The following UNC13C variants were observed in gnomAD, a reference collection of about 807,000 sequenced individuals.
The protein encoded by UNC13C is protein unc-13 homolog C.
UNC13C carries 174 observed loss-of-function variants against 245.4 expected under a neutral mutation model. The ratio of observed to expected loss-of-function variants is 0.71; its 90% CI spans 0.63 to 0.80. The LOEUF (loss-of-function observed/expected upper bound fraction) is 0.80, where lower values mean the gene tolerates loss of function less well. Among genes scored for constraint, UNC13C ranks in the 30% least tolerant of loss-of-function variants. The pLI, the probability that UNC13C is intolerant of heterozygous loss-of-function variation, is 0.00. For missense variants in UNC13C, 2,829 were observed against 2,602.9 expected (o/e 1.09, Z -1.89); for synonymous variants, 992 against 895.1 (o/e 1.11, Z -1.93).
chr15:54,237,989 G>A (rs547071262), intron 7 of UNC13C, among the ~76,000 whole-genome samples: 1 of 150,840 alleles, frequency 6.6e-6, no homozygotes, highest in East Asian at 1.9e-4. Flanking sequence ...TTTAAGTTTT[G>A]CCTCTTTTAC....
chr15:54,355,526 T>C (rs374377655), intron 17 of UNC13C, among the ~76,000 whole-genome samples: 1 of 151,976 alleles, frequency 6.6e-6, no homozygotes, highest in African/African-American at 2.4e-5. Flanking sequence ...CTGGCTAATT[T>C]TTTGTATTTT....
intron 19 of UNC13C, among the ~76,000 whole-genome samples, chr15:54,450,196 C>A (rs1423796504): frequency 6.6e-6 from 1 of 152,188 alleles, no homozygotes; most frequent in Non-Finnish European, 1.5e-5. Flanking sequence ...GGGCTGCCTC[C>A]CAGTTAGGCT....
chr15:53,855,920 C>T, the UNC13C span, among the ~76,000 whole-genome samples: 6 of 152,078 alleles, frequency 3.9e-5, no homozygotes, highest in African/African-American at 1.2e-4. Flanking sequence ...CCATATGACC[C>T]TGGGCTTTTT....
intron 4 of UNC13C, among the ~76,000 whole-genome samples, chr15:54,145,248 G>A (rs13329338): frequency 0.022 from 3,392 of 151,958 alleles, 127 homozygotes; most frequent in African/African-American, 0.079. Context: ...GTTCTGTTTT[G>A]TAATACACTC....
chr15:54,194,731 T>C (rs1451504781), intron 4 of UNC13C, among the ~76,000 whole-genome samples: 3 of 151,940 alleles, frequency 2.0e-5, no homozygotes, highest in Admixed American at 1.3e-4. Context: ...ACTAGGAGTA[T>C]AAGAAAGGAC....
chr15:53,933,965 G>A, the UNC13C span, among the ~76,000 whole-genome samples: 2 of 152,188 alleles, frequency 1.3e-5, no homozygotes, highest in Admixed American at 6.5e-5. Context: ...GGCTGCATGG[G>A]ATGCATGGTT....
intron 30 of UNC13C, among the ~76,000 whole-genome samples, chr15:54,615,679 A>G (rs1900385947): frequency 6.6e-6 from 1 of 152,088 alleles, no homozygotes; most frequent in Non-Finnish European, 1.5e-5. Context: ...GTTATCAGGC[A>G]TTAGTTGGGG....
chr15:54,095,497 T>C (rs1899807408), intron 2 of UNC13C, among the ~76,000 whole-genome samples: 1 of 152,212 alleles, frequency 6.6e-6, no homozygotes, highest in Non-Finnish European at 1.5e-5. Context: ...TGGTCCCACT[T>C]TGCAGCATGA....
At chr15:54,372,104 C>A (rs1182893309) in intron 17 of UNC13C, among the ~76,000 whole-genome samples, 1 of 151,722 alleles carries the variant, frequency 6.6e-6, no homozygotes, top group Non-Finnish European at 1.5e-5. Context: ...GTGTTCTCAG[C>A]ACAAAAAAGC....
chr15:54,597,523 G>A (rs1899157312), intron 30 of UNC13C, among the ~76,000 whole-genome samples: 1 of 152,188 alleles, frequency 6.6e-6, no homozygotes, highest in Non-Finnish European at 1.5e-5. Flanking sequence ...GACATGGAAG[G>A]AGAGGGAAGA....
the UNC13C span, among the ~76,000 whole-genome samples, chr15:53,839,646 G>T: frequency 1.3e-5 from 2 of 151,504 alleles, no homozygotes; most frequent in Non-Finnish European, 2.9e-5. Flanking sequence ...TGTTATTTTA[G>T]TTCACCTACA....
intron 23 of UNC13C, among the ~76,000 whole-genome samples, chr15:54,509,375 T>C (rs995066579): frequency 6.6e-6 from 1 of 152,216 alleles, no homozygotes. Flanking sequence ...TTCCAAAATA[T>C]AGCAAGACAT....
chr15:54,319,880 A>G (rs2038104973), intron 13 of UNC13C, among the ~76,000 whole-genome samples: 1 of 151,996 alleles, frequency 6.6e-6, no homozygotes, highest in Non-Finnish European at 1.5e-5. Flanking sequence ...CAAATGAAAA[A>G]GGTTTCCTTG....
At chr15:54,136,941 G>A (rs1041891761) in intron 2 of UNC13C, among the ~76,000 whole-genome samples, 39 of 151,426 alleles carry the variant, frequency 2.6e-4, no homozygotes, top group African/African-American at 9.2e-4. Context: ...TTCTCAATCA[G>A]TCCTCCCATC....
the UNC13C span, among the ~76,000 whole-genome samples, chr15:53,875,613 G>A: frequency 6.6e-6 from 1 of 152,180 alleles, no homozygotes; most frequent in African/African-American, 2.4e-5. Flanking sequence ...TGAGGATGAT[G>A]TATCTGATAG....
intron 26 of UNC13C, among the ~76,000 whole-genome samples, chr15:54,537,959 G>A (rs1481522749): frequency 6.6e-6 from 1 of 151,028 alleles, no homozygotes. Context: ...AAAAGCAATT[G>A]CAACAAAAAC....
chr15:54,378,323 A>G (rs2039650617), intron 17 of UNC13C, among the ~76,000 whole-genome samples: 1 of 152,140 alleles, frequency 6.6e-6, no homozygotes. Context: ...AAGAGGTGAT[A>G]TATGAAGCAG....
chr15:54,015,113 A>G lies in UNC13C; in HGVS notation c.2210A>G (p.Gln737Arg). 1 of 1,612,724 alleles carries G rather than the reference A, an allele frequency of 6.2e-7. No homozygotes were observed. ...DNEPQGQWVG[Q>R]YDSYQGANSN... ...GAACCACAAGGCCAGTGGGTTGGCCAATATGATTCTTATCAGGGAGCTAAT... is the reference window on the plus strand; with the variant it reads ...GAACCACAAGGCCAGTGGGTTGGCCGATATGATTCTTATCAGGGAGCTAAT... The change falls in exon 2 of 33, where the codon CAA becomes CGA. Residue 737 changes from glutamine to arginine, a missense_variant. Physicochemically the swap from Gln to Arg is conservative, Grantham distance 43. Coordinates refer to ENST00000260323, the MANE Select transcript of UNC13C (RefSeq NM_001080534.3).
rs116736184 is a variant in UNC13C, at chr15:54,049,913, A to G, written c.2983+34027A>G. 1,598 of 221,798 alleles carry G rather than the reference A, an allele frequency of 7.2e-3. 33 individuals are homozygous for G. The highest frequency in any genetic ancestry group is 0.036 in the African/African-American group (1,519 of 42,374). 13.7% of individuals were successfully genotyped at this position (221,798 alleles called of 1,614,324 possible). A position where few individuals can be genotyped will look rare whatever the true frequency, so the allele number is the denominator to read the frequency against. On this transcript the variant is annotated intron_variant, in intron 2 of 32. Coordinates refer to ENST00000260323, the MANE Select transcript of UNC13C (RefSeq NM_001080534.3). ...CAGATAAGATTATTGACTGAGTTCC[A>G]ATCTATTTTTAAAATGATGCCATCA...
Sources: gnomAD v4.1 joint callset for allele counts (sites outside exome capture counted in the v4.1 genomes callset) on GRCh38, gnomAD v4.1.1 for gene constraint, MANE v1.5 for transcripts, NCBI Gene and HGNC (gene_info 2026-07-23, HGNC 2026-07-21) for gene names.